Variants in COA1 observed in about 807,000 individuals in gnomAD.
COA1 encodes the protein cytochrome c oxidase assembly factor 1 homolog.
COA1 carries 13 observed loss-of-function variants against 16.0 expected under a neutral mutation model. The observed-to-expected ratio is 0.81, with a 90% confidence interval of 0.53 to 1.29. The LOEUF (loss-of-function observed/expected upper bound fraction) is 1.29. COA1 is among the 50% of genes most tolerant of loss of function. The pLI is 0.00. For synonymous variants in COA1, 65 were observed against 65.7 expected (o/e 0.99, Z 0.05); for missense variants, 179 against 177.0 (o/e 1.01, Z -0.06).
At chr7:43,625,030 T>C (rs2084348772) in intron 6 of COA1, 2 of 490,102 alleles carry the variant, frequency 4.1e-6, no homozygotes, top group Admixed American at 7.7e-5. Flanking sequence ...CCAGGAGATT[T>C]AACAGGTACA....
At position 43,672,527 on chromosome 7, in the gene COA1, T is replaced by A. The variant is rs185950881; in HGVS notation, c.-38-23875A>T. Among the ~76,000 whole-genome samples the A allele has an allele frequency of 1.2e-4, 19 of 152,216 alleles. No individual in the cohort carries two copies. In the East Asian group the frequency reaches 2.9e-3, roughly 23 times the overall value. The stretch of plus-strand genomic sequence containing the variant: ...TGGCTCACGCCTGTAATCCCAACAC[T>A]TTGGGAGGCCAAGGCGGGCAGATCA... On this transcript the variant is annotated intron_variant, in intron 1 of 5. Transcript: ENST00000223336.
At chr7:43,659,343 T>C (rs1380839837) in intron 1 of COA1, among the ~76,000 whole-genome samples, 1 of 152,214 alleles carries the variant, frequency 6.6e-6, no homozygotes, top group Non-Finnish European at 1.5e-5. Context: ...TTAGTAATGA[T>C]AAAGAGTCTT....
rs181735750 is a variant in COA1, at chr7:43,610,162, C to T, written c.*134-667G>A. On this transcript the variant is annotated intron_variant and NMD_transcript_variant, in intron 6 of 6. Transcript: ENST00000415076. ...GAGATCGAGACCATCCTGGCTAACACGGTGAAACCCTGTCTGTAGTAAAAA... is the reference window on the plus strand; with the variant it reads ...GAGATCGAGACCATCCTGGCTAACATGGTGAAACCCTGTCTGTAGTAAAAA... Among the ~76,000 whole-genome samples the T allele has an allele frequency of 3.4e-4, 51 of 151,708 alleles. 1 individual carries two copies. Among genetic ancestry groups the T allele is most frequent in the African/African-American group, 6.3e-4 (26 of 41,342 alleles).
At chr7:43,692,381 C>T (rs912187442) in intron 1 of COA1, among the ~76,000 whole-genome samples, 33 of 152,032 alleles carry the variant, frequency 2.2e-4, no homozygotes, top group East Asian at 1.9e-3. Context: ...TAGCCGGGCA[C>T]GATGGCAGCG....
At chr7:43,697,575 C>T (rs1357055348) in intron 1 of COA1, among the ~76,000 whole-genome samples, 2 of 152,152 alleles carry the variant, frequency 1.3e-5, no homozygotes, top group Non-Finnish European at 2.9e-5. Flanking sequence ...TGAGCCACCG[C>T]ACCCAGCTGG....
chr7:43,639,717 T>C lies in COA1; in HGVS notation c.342-36A>G, dbSNP rs2086577854. On this transcript the variant is annotated intron_variant, in intron 5 of 5. Coordinates refer to ENST00000223336, the MANE Select transcript of COA1 (RefSeq NM_018224.4). ...CCAAAAGTATAGTATCTCTAATCTA[T>C]GAAGGCTGAGGCAACAGCCGTAGTC... 2.6e-6 allele frequency: 4 copies of C among 1,545,718 alleles called. No individual in the cohort carries two copies. In the African/African-American group the frequency reaches 4.1e-5, roughly 16 times the overall value.
chr7:43,700,955 C>T (rs1393225669), intron 1 of COA1, among the ~76,000 whole-genome samples: 1 of 152,132 alleles, frequency 6.6e-6, no homozygotes, highest in Non-Finnish European at 1.5e-5. Context: ...CTGCCTATCT[C>T]ACCTGCTTTC....
intron 1 of COA1, among the ~76,000 whole-genome samples, chr7:43,696,361 T>C (rs896010449): frequency 1.2e-4 from 18 of 152,170 alleles, no homozygotes; most frequent in African/African-American, 2.4e-4. Flanking sequence ...GGCCCCGCCA[T>C]TGACATATGC....
chr7:43,699,635 G>A (rs376201628), intron 1 of COA1, among the ~76,000 whole-genome samples: 90 of 152,246 alleles, frequency 5.9e-4, no homozygotes, highest in African/African-American at 2.0e-3. Context: ...GTTTCAATAT[G>A]TCCTACACAG....
chr7:43,713,426 C>T (rs2095310378), intron 1 of COA1, among the ~76,000 whole-genome samples: 1 of 152,164 alleles, frequency 6.6e-6, no homozygotes, highest in African/African-American at 2.4e-5. Context: ...AATACCAGAA[C>T]TTATTCCTCC....
At chr7:43,649,097 A>T (rs192512447) in intron 1 of COA1, 1 of 156,558 alleles carries the variant, frequency 6.4e-6, no homozygotes, top group African/African-American at 2.4e-5. Context: ...GACTTTAACA[A>T]TATTGATAAT....
At chr7:43,662,851 G>A (rs1208122300) in intron 1 of COA1, among the ~76,000 whole-genome samples, 2 of 152,172 alleles carry the variant, frequency 1.3e-5, no homozygotes, top group Non-Finnish European at 1.5e-5. Flanking sequence ...CCTCTCTAAG[G>A]AACCAAGAGA....
At chr7:43,633,061 G>C (rs1563192825) in intron 6 of COA1, 1 of 152,204 alleles carries the variant, frequency 6.6e-6, no homozygotes, top group African/African-American at 2.4e-5. Flanking sequence ...GAGTCAGCTT[G>C]TCCTTTGAAG....
At chr7:43,708,374 T>C (rs944269722) in intron 1 of COA1, among the ~76,000 whole-genome samples, 3 of 142,888 alleles carry the variant, frequency 2.1e-5, no homozygotes, top group East Asian at 1.9e-4. Context: ...AGTGAGAGGA[T>C]TGCTTGAGCC....
intron 1 of COA1, among the ~76,000 whole-genome samples, chr7:43,716,452 T>C (rs1466944888): frequency 6.6e-6 from 1 of 152,036 alleles, no homozygotes; most frequent in Non-Finnish European, 1.5e-5. Context: ...TAGAGATTTG[T>C]GGAACTTAGA....
intron 3 of COA1, chr7:43,645,668 C>A: frequency 3.0e-6 from 1 of 331,228 alleles, no homozygotes; most frequent in Non-Finnish European, 5.7e-6. Context: ...TCATTTCTAC[C>A]CTCACTCATT....
intron 1 of COA1, among the ~76,000 whole-genome samples, chr7:43,662,886 A>G (rs1335357156): frequency 6.6e-6 from 1 of 152,240 alleles, no homozygotes; most frequent in Admixed American, 6.5e-5. Flanking sequence ...ACTCAGGCCT[A>G]TCTCAACTGC....
intron 4 of COA1, among the ~76,000 whole-genome samples, chr7:43,644,777 GGC>G (rs1563229229): frequency 9.7e-4 from 112 of 114,932 alleles, no homozygotes; most frequent in African/African-American, 3.2e-3. Flanking sequence ...CAGGCAGGCA[GGC>G]AGGCAGGCAG....
rs2094303333 is a variant in COA1 at position 43,691,309 on chromosome 7, GAAAGAAAGAAAGAAAGAA to G, written c.-39+38102_-39+38119del. 1.5e-4 allele frequency among the ~76,000 whole-genome samples: 14 copies of G among 90,442 alleles called. 1 individual carries two copies. Among genetic ancestry groups the G allele is most frequent in the Non-Finnish European group, 3.0e-4 (13 of 43,544 alleles). 59.3% of individuals were successfully genotyped at this position (90,442 alleles called of 152,430 possible). ...AGAAAGAAAGAAAGAAAGAAAGAAA[GAAAGAAAGAAAGAAAGAA>G]AGAGAAAGAGAGAGAGGGAGGGAGG... is the stretch of plus-strand genomic sequence containing the variant. On this transcript the variant is annotated intron_variant, in intron 1 of 5. Transcript: ENST00000223336.
Sources: allele counts gnomAD v4.1 joint callset (sites outside exome capture counted in the v4.1 genomes callset), GRCh38; gene constraint gnomAD v4.1.1; transcripts MANE v1.5; gene names NCBI Gene and HGNC (gene_info 2026-07-23, HGNC 2026-07-21).